Variants in CDH13 observed in about 807,000 individuals in gnomAD.
The protein encoded by CDH13 is cadherin 13.
CDH13 carries 24 observed loss-of-function variants against 63.8 expected under a neutral mutation model. That is an observed-to-expected ratio of 0.38 (90% CI 0.27 to 0.53). The LOEUF (loss-of-function observed/expected upper bound fraction) is 0.53. CDH13 is among the 20% of genes least tolerant of loss of function. CDH13 has a pLI of 0.85. For missense variants in CDH13, 1,049 were observed against 903.1 expected (o/e 1.16, Z -2.07); for synonymous variants, 503 against 355.3 (o/e 1.42, Z -4.67).
intron 8 of CDH13, among the ~76,000 whole-genome samples, chr16:83,665,359 A>G (rs1292255907): frequency 2.0e-5 from 3 of 152,236 alleles, no homozygotes; most frequent in African/African-American, 7.2e-5. Flanking sequence ...GCTAACAAAT[A>G]CTGACTCCTT....
At chr16:82,745,892 A>T (rs770809736) in intron 1 of CDH13, among the ~76,000 whole-genome samples, 5 of 152,100 alleles carry the variant, frequency 3.3e-5, no homozygotes, top group Non-Finnish European at 2.9e-5. Context: ...AATTTTTTAG[A>T]ACTAAGATTA....
At chr16:83,411,908 C>T (rs371751686) in intron 6 of CDH13, among the ~76,000 whole-genome samples, 3 of 152,106 alleles carry the variant, frequency 2.0e-5, no homozygotes, top group African/African-American at 4.8e-5. Context: ...AGGAAAAACA[C>T]GAGCTTGTAA....
chr16:83,118,442 C>T (rs2035412304), intron 3 of CDH13, among the ~76,000 whole-genome samples: 1 of 152,148 alleles, frequency 6.6e-6, no homozygotes, highest in African/African-American at 2.4e-5. Flanking sequence ...CATTTGATGT[C>T]ACAGAGAACA....
intron 2 of CDH13, among the ~76,000 whole-genome samples, chr16:82,900,608 C>G (rs1173483641): frequency 6.6e-6 from 1 of 152,086 alleles, no homozygotes; most frequent in South Asian, 2.1e-4. Flanking sequence ...TGTGAAGTAA[C>G]CAGCAGAGAG....
chr16:83,049,018 C>A (rs961408461), intron 3 of CDH13, among the ~76,000 whole-genome samples: 16 of 152,158 alleles, frequency 1.1e-4, no homozygotes, highest in Non-Finnish European at 2.2e-4. Flanking sequence ...AACTGAACAG[C>A]TGATTTCCCT....
intron 2 of CDH13, among the ~76,000 whole-genome samples, chr16:82,925,528 C>T (rs963529197): frequency 6.6e-6 from 1 of 152,202 alleles, no homozygotes; most frequent in Non-Finnish European, 1.5e-5. Context: ...CATGCACTAG[C>T]TGCAGAGGAG....
In CDH13 at chr16:83,171,595, C is replaced by G. The variant is rs563634834; in HGVS notation, c.484-45750C>G. ...AAGTGCACAGGAAATTTTGAAATAT[C>G]TGTGTCTCTATCTTCATTTCCTTGT... On this transcript the variant is annotated intron_variant, in intron 4 of 13. Coordinates refer to ENST00000567109, the MANE Select transcript of CDH13 (RefSeq NM_001257.5). 107 of 1,516,736 alleles carry G rather than the reference C, an allele frequency of 7.1e-5. 1 individual carries two copies. Among genetic ancestry groups the G allele is most frequent in the Non-Finnish European group, 9.0e-5 (102 of 1,129,838 alleles). 94.0% of individuals were successfully genotyped at this position (1,516,736 alleles called of 1,614,324 possible).
chr16:83,150,228 GAGTGATCTTCTAAAATTGTA>G (rs2036918448), intron 4 of CDH13, among the ~76,000 whole-genome samples: 1 of 152,148 alleles, frequency 6.6e-6, no homozygotes, highest in African/African-American at 2.4e-5. Flanking sequence ...CCACCAATGA[GAGTGATCTTCTAAAATTGTA>G]AGTCACTTAA....
At chr16:82,683,046 C>T (rs528401884) in intron 1 of CDH13, among the ~76,000 whole-genome samples, 2 of 152,314 alleles carry the variant, frequency 1.3e-5, no homozygotes, top group African/African-American at 4.8e-5. Flanking sequence ...CCAAGTTATT[C>T]AGTTTCCATG....
intron 4 of CDH13, among the ~76,000 whole-genome samples, chr16:83,202,591 T>G (rs2039063330): frequency 6.6e-6 from 1 of 152,172 alleles, no homozygotes; most frequent in Non-Finnish European, 1.5e-5. Context: ...TTATTTTTGA[T>G]ACTATTTACA....
At chr16:82,646,256 C>T (rs1271117060) in intron 1 of CDH13, 2 of 152,272 alleles carry the variant, frequency 1.3e-5, no homozygotes, top group African/African-American at 4.8e-5. Flanking sequence ...GTGGCGTGAT[C>T]TCGGCTCACT....
intron 2 of CDH13, among the ~76,000 whole-genome samples, chr16:82,973,588 C>A (rs950735044): frequency 2.6e-5 from 4 of 152,198 alleles, no homozygotes; most frequent in Admixed American, 6.5e-5. Context: ...AACAAACCAA[C>A]ACAAGACAGT....
In CDH13 at chr16:83,580,130, A is replaced by G. The variant is rs542723115; in HGVS notation, c.961-22324A>G. ...TCTCCAAGGGCCTATGGTGCTGTCCACAGAGTTTAAATGTTATCCTGGTAG... is the reference window on the plus strand; with the variant it reads ...TCTCCAAGGGCCTATGGTGCTGTCCGCAGAGTTTAAATGTTATCCTGGTAG... On this transcript the variant is annotated intron_variant, in intron 7 of 13. Coordinates refer to ENST00000567109, the MANE Select transcript of CDH13 (RefSeq NM_001257.5). Among the ~76,000 whole-genome samples the G allele has an allele frequency of 3.6e-4, 55 of 152,244 alleles. 1 individual carries two copies. Among genetic ancestry groups the G allele is most frequent in the African/African-American group, 1.3e-3 (55 of 41,536 alleles).
intron 8 of CDH13, among the ~76,000 whole-genome samples, chr16:83,625,517 A>G (rs1045831387): frequency 1.3e-5 from 2 of 152,094 alleles, no homozygotes; most frequent in Admixed American, 1.3e-4. Context: ...TGCTTTCCCC[A>G]TGACAGGGCT....
intron 3 of CDH13, among the ~76,000 whole-genome samples, chr16:83,073,804 A>G (rs2032623884): frequency 1.3e-5 from 2 of 152,080 alleles, no homozygotes; most frequent in Admixed American, 6.6e-5. Flanking sequence ...TATATATAAT[A>G]TACAGTACAG....
intron 6 of CDH13, among the ~76,000 whole-genome samples, chr16:83,379,718 T>C (rs866050315): frequency 1.3e-5 from 2 of 152,236 alleles, no homozygotes; most frequent in Admixed American, 6.5e-5. Flanking sequence ...AGTTGTTCAT[T>C]ACTGCATTGT....
intron 3 of CDH13, among the ~76,000 whole-genome samples, chr16:83,124,842 G>A (rs2035740747): frequency 6.6e-6 from 1 of 152,142 alleles, no homozygotes; most frequent in African/African-American, 2.4e-5. Context: ...TTGTAGGTAT[G>A]TGGCTTTAGT....
At chr16:83,011,610 C>T (rs1159088617) in intron 2 of CDH13, among the ~76,000 whole-genome samples, 1 of 152,198 alleles carries the variant, frequency 6.6e-6, no homozygotes, top group Non-Finnish European at 1.5e-5. Context: ...AAGAAACATG[C>T]ATACACACAT....
intron 10 of CDH13, among the ~76,000 whole-genome samples, chr16:83,692,462 C>T (rs977113040): frequency 2.0e-5 from 3 of 152,136 alleles, no homozygotes; most frequent in African/African-American, 7.2e-5. Context: ...ACCTGTTGCA[C>T]GGGTTGATGA....
Sources: allele counts gnomAD v4.1 joint callset (sites outside exome capture counted in the v4.1 genomes callset), GRCh38; gene constraint gnomAD v4.1.1; transcripts MANE v1.5; gene names NCBI Gene and HGNC (gene_info 2026-07-23, HGNC 2026-07-21).